GABRB1: variants seen among roughly 807,000 people sequenced by gnomAD.
GABRB1 encodes gamma-aminobutyric acid receptor subunit beta-1.
A neutral mutation model predicts 51.6 loss-of-function variants in GABRB1; 17 were observed. The observed-to-expected ratio is 0.33, with a 90% CI of 0.23 to 0.49. The LOEUF is 0.49. Ranked by LOEUF, GABRB1 falls within the 20% of genes least tolerant of loss-of-function variation. GABRB1 has a pLI of 0.99. For missense variants in GABRB1, 410 were observed against 600.6 expected, an observed-to-expected ratio of 0.68 and a Z score of 3.32; for synonymous variants, 247 against 218.9, an observed-to-expected ratio of 1.13 and a Z score of -1.14.
At chr4:47,327,331 GA>G (rs560797545) in intron 5 of GABRB1, among the ~76,000 whole-genome samples, 242 of 74,054 alleles carry the variant, frequency 3.3e-3, no homozygotes, top group African/African-American at 8.8e-3. Flanking sequence ...TCGCTTAAAA[GA>G]AAAAAAAAAA....
chr4:47,119,779 G>A (rs866065178), intron 3 of GABRB1, among the ~76,000 whole-genome samples: 1 of 151,980 alleles, frequency 6.6e-6, no homozygotes, highest in African/African-American at 2.4e-5. Context: ...AAAGTGCTAG[G>A]ATTACCAGGG....
At chr4:47,296,533 G>C (rs1017968668) in intron 4 of GABRB1, among the ~76,000 whole-genome samples, 2 of 152,140 alleles carry the variant, frequency 1.3e-5, no homozygotes, top group East Asian at 1.9e-4. Context: ...TAATGGTAAA[G>C]GGATCAATTC....
intron 4 of GABRB1, among the ~76,000 whole-genome samples, chr4:47,311,131 C>T (rs1379055566): frequency 6.7e-6 from 1 of 150,106 alleles, no homozygotes; most frequent in African/African-American, 2.5e-5. Context: ...CGGTGGCTCA[C>T]GCCTGTAATC....
At chr4:47,079,899 A>G (rs1174630192) in intron 3 of GABRB1, among the ~76,000 whole-genome samples, 5 of 151,658 alleles carry the variant, frequency 3.3e-5, no homozygotes, top group African/African-American at 9.7e-5. Flanking sequence ...TCTAATTTTA[A>G]ATGACGAGTT....
intron 3 of GABRB1, among the ~76,000 whole-genome samples, chr4:47,069,409 A>T (rs1394017703): frequency 6.6e-6 from 1 of 152,152 alleles, no homozygotes; most frequent in Non-Finnish European, 1.5e-5. Flanking sequence ...TGTAATCCAA[A>T]TATTTTGCCA....
At chr4:47,361,480 G>A (rs1463575166) in intron 5 of GABRB1, among the ~76,000 whole-genome samples, 3 of 152,088 alleles carry the variant, frequency 2.0e-5, no homozygotes, top group East Asian at 1.9e-4. Context: ...AGAAGAGACG[G>A]AGCAAAATGA....
chr4:47,317,229 C>T (rs566177751), intron 4 of GABRB1, among the ~76,000 whole-genome samples: 1 of 152,002 alleles, frequency 6.6e-6, no homozygotes, highest in Non-Finnish European at 1.5e-5. Flanking sequence ...CCAAATGTCC[C>T]CAGTGAGGCA....
At chr4:47,228,582 T>A (rs1182000845) in intron 4 of GABRB1, among the ~76,000 whole-genome samples, 1 of 152,148 alleles carries the variant, frequency 6.6e-6, no homozygotes, top group Non-Finnish European at 1.5e-5. Context: ...GATCTTTGTA[T>A]GTCTATCACT....
At chr4:47,247,519 A>T (rs2109858466) in intron 4 of GABRB1, among the ~76,000 whole-genome samples, 1 of 152,176 alleles carries the variant, frequency 6.6e-6, no homozygotes, top group East Asian at 1.9e-4. Flanking sequence ...TTTTGGTTCC[A>T]TATGAGTTTT....
At chr4:47,039,214 A>G (rs181762828) in intron 3 of GABRB1, among the ~76,000 whole-genome samples, 14 of 151,884 alleles carry the variant, frequency 9.2e-5, no homozygotes, top group African/African-American at 3.1e-4. Flanking sequence ...CAGAGTCTTC[A>G]TTGCTACTCT....
intron 4 of GABRB1, among the ~76,000 whole-genome samples, chr4:47,307,553 T>C (rs1467681834): frequency 1.3e-5 from 2 of 152,032 alleles, no homozygotes; most frequent in Non-Finnish European, 2.9e-5. Flanking sequence ...TTTATTTCTA[T>C]AACTTATACC....
intron 4 of GABRB1, among the ~76,000 whole-genome samples, chr4:47,262,189 A>G (rs1046982840): frequency 6.6e-6 from 1 of 151,818 alleles, no homozygotes; most frequent in Non-Finnish European, 1.5e-5. Context: ...CAAAATTGAC[A>G]AATGGGATCT....
At chr4:47,207,518 A>G (rs1027698611) in intron 4 of GABRB1, among the ~76,000 whole-genome samples, 4 of 152,016 alleles carry the variant, frequency 2.6e-5, no homozygotes, top group African/African-American at 9.7e-5. Context: ...CAGTTCTCGT[A>G]CTCTTAACCC....
chr4:47,046,476 C>T (rs1726094660), intron 3 of GABRB1, among the ~76,000 whole-genome samples: 1 of 151,764 alleles, frequency 6.6e-6, no homozygotes, highest in Admixed American at 6.6e-5. Context: ...TAAGAAACAT[C>T]CAAAAATCTC....
chr4:47,084,471 A>G (rs1487430620), intron 3 of GABRB1, among the ~76,000 whole-genome samples: 12 of 152,228 alleles, frequency 7.9e-5, no homozygotes. Flanking sequence ...TCTTTGGTGC[A>G]GGATATCTCT....
At chr4:47,001,032 G>T (rs1724161623) in intron 1 of GABRB1, among the ~76,000 whole-genome samples, 2 of 152,144 alleles carry the variant, frequency 1.3e-5, no homozygotes, top group South Asian at 4.1e-4. Flanking sequence ...AGAACAAATT[G>T]AATAGCATTT....
At chr4:47,400,849 T>C (rs1728352829) in intron 5 of GABRB1, among the ~76,000 whole-genome samples, 1 of 152,026 alleles carries the variant, frequency 6.6e-6, no homozygotes, top group Non-Finnish European at 1.5e-5. Flanking sequence ...CTGAGTTACT[T>C]CATATAGGAT....
intron 8 of GABRB1, among the ~76,000 whole-genome samples, chr4:47,413,299 C>G (rs1202674792): frequency 6.6e-6 from 1 of 152,152 alleles, no homozygotes; most frequent in Non-Finnish European, 1.5e-5. Flanking sequence ...GATAATAATA[C>G]AGCATTACCA....
intron 3 of GABRB1, among the ~76,000 whole-genome samples, chr4:47,106,407 T>A (rs578124387): frequency 2.6e-5 from 4 of 152,048 alleles, no homozygotes; most frequent in African/African-American, 9.7e-5. Flanking sequence ...ACTAATGTTA[T>A]TGGAAATTCA....
Sources: gnomAD v4.1 joint callset for allele counts (sites outside exome capture counted in the v4.1 genomes callset) on GRCh38, gnomAD v4.1.1 for gene constraint, MANE v1.5 for transcripts, NCBI Gene and HGNC (gene_info 2026-07-23, HGNC 2026-07-21) for gene names.